Variants in CRPPA observed in about 807,000 individuals in gnomAD.
CRPPA encodes the protein CDP-L-ribitol pyrophosphorylase A.
Under a neutral mutation model 52.0 loss-of-function variants are expected in CRPPA, and 43 were observed. The observed-to-expected ratio is 0.83, with a 90% CI of 0.65 to 1.07. The LOEUF is 1.07. Among genes scored for constraint, CRPPA ranks in the 50% least tolerant of loss-of-function variants. CRPPA has a pLI of 0.00. For synonymous variants in CRPPA, 250 were observed against 203.5 expected, an observed-to-expected ratio of 1.23 and a Z score of -1.94; for missense variants, 629 against 551.7, an observed-to-expected ratio of 1.14 and a Z score of -1.40.
intron 5 of CRPPA, among the ~76,000 whole-genome samples, chr7:16,288,363 T>C (rs1784491634): frequency 6.6e-6 from 1 of 152,158 alleles, no homozygotes; most frequent in South Asian, 2.1e-4. Context: ...CTAAAATATT[T>C]ATTTTAAATC....
chr7:16,145,690 T>A (rs898165763), intron 9 of CRPPA, among the ~76,000 whole-genome samples: 10 of 144,262 alleles, frequency 6.9e-5, no homozygotes, highest in African/African-American at 2.5e-4. Context: ...ATCCCTGAAA[T>A]AAACAAACAG....
Position 16,278,147 on chromosome 7 carries a change from C to T in CRPPA, c.915G>A (p.Val305=), listed in dbSNP as rs1466053365. The change falls in exon 6 of 10, where the codon GTG becomes GTA. Residue 305 remains valine (V), a synonymous_variant. Transcript: ENST00000407010. ...TACTTACATTTAATTCACTTTTCAG[C>T]ACTTCTTCAAGAAGATGACCTACAT... is the stretch of plus-strand genomic sequence containing the variant. ...NKHVGHLLEE[V]LKSELNHVKV... is the part of the protein sequence containing the mutation. 6.4e-7 allele frequency: 1 copy of T among 1,552,678 alleles called. No individual in the cohort carries two copies. The highest frequency in any genetic ancestry group is 8.8e-7 in the Non-Finnish European group (1 of 1,132,174).
chr7:16,297,463 C>T (rs1784697472), intron 5 of CRPPA, among the ~76,000 whole-genome samples: 1 of 152,088 alleles, frequency 6.6e-6, no homozygotes, highest in East Asian at 1.9e-4. Flanking sequence ...GCCATAAATT[C>T]CCTTAGATTC....
At chr7:16,414,350 A>AACACACACACAC (rs3085030) in intron 1 of CRPPA, among the ~76,000 whole-genome samples, 82 of 138,656 alleles carry the variant, frequency 5.9e-4, no homozygotes, top group East Asian at 4.3e-4. Context: ...CCCCTACCCC[A>AACACACACACAC]ACACACACAC....
chr7:16,387,058 T>TACAC (rs1469876290), intron 2 of CRPPA, among the ~76,000 whole-genome samples: 1 of 72,650 alleles, frequency 1.4e-5, no homozygotes, highest in South Asian at 5.8e-4. Context: ...TATATATATA[T>TACAC]ATATATATAT....
chr7:16,175,722 T>C (rs1003137278), intron 9 of CRPPA, among the ~76,000 whole-genome samples: 2 of 152,190 alleles, frequency 1.3e-5, no homozygotes, highest in African/African-American at 2.4e-5. Context: ...TTAATAATTA[T>C]GCAAATTATG....
At chr7:16,379,116 A>G (rs1786999525) in intron 2 of CRPPA, among the ~76,000 whole-genome samples, 1 of 152,026 alleles carries the variant, frequency 6.6e-6, no homozygotes, top group Admixed American at 6.5e-5. Context: ...GTTTAATTAG[A>G]TCCCATTTGT....
chr7:16,306,129 C>A (rs1024334406), intron 4 of CRPPA, among the ~76,000 whole-genome samples: 3 of 152,176 alleles, frequency 2.0e-5, no homozygotes, highest in African/African-American at 7.2e-5. Context: ...AGATATTAGT[C>A]ATATTAGCTT....
chr7:16,374,574 T>C (rs994240080), intron 3 of CRPPA, among the ~76,000 whole-genome samples: 2 of 152,196 alleles, frequency 1.3e-5, no homozygotes, highest in Non-Finnish European at 2.9e-5. Context: ...TATTATGTAT[T>C]TTCTGCATGC....
chr7:16,301,848 A>C (rs924133412), intron 4 of CRPPA, among the ~76,000 whole-genome samples: 3 of 152,148 alleles, frequency 2.0e-5, no homozygotes, highest in Admixed American at 2.0e-4. Flanking sequence ...AAAGTCACTG[A>C]GTTACATTCT....
At chr7:16,295,670 G>T (rs1041862439) in intron 5 of CRPPA, among the ~76,000 whole-genome samples, 3 of 152,018 alleles carry the variant, frequency 2.0e-5, no homozygotes, top group Non-Finnish European at 2.9e-5. Context: ...TTCATGCCAG[G>T]ATATGGTCAG....
intron 6 of CRPPA, among the ~76,000 whole-genome samples, chr7:16,273,415 A>G (rs1254581516): frequency 2.6e-5 from 4 of 152,030 alleles, no homozygotes; most frequent in African/African-American, 9.7e-5. Context: ...CAGCTGTCAA[A>G]GAGAAGCAGT....
Position 16,091,602 on chromosome 7 carries a change from T to A in CRPPA, c.*93A>T. The A allele has an allele frequency of 1.5e-6, 1 of 672,730 alleles. No individual in the cohort carries two copies. Among genetic ancestry groups the A allele is most frequent in the Non-Finnish European group, 2.5e-6 (1 of 392,332 alleles). 41.7% of individuals were successfully genotyped at this position (672,730 alleles called of 1,614,324 possible). A position where few individuals can be genotyped will look rare whatever the true frequency, so the allele number is the denominator to read the frequency against. On this transcript the variant is annotated 3_prime_UTR_variant, in exon 10 of 10. Transcript: ENST00000407010. ...TTATAGAGAAGATATAAAAGACAAC[T>A]GAAACATTCTACCACACACAGCAGC...
chr7:16,321,754 T>C (rs1222287515), intron 3 of CRPPA, among the ~76,000 whole-genome samples: 12 of 152,148 alleles, frequency 7.9e-5, no homozygotes, highest in African/African-American at 1.2e-4. Context: ...AAAGTATTCA[T>C]AGGCAGTTAA....
chr7:16,389,928 A>AAAAAAAAAAAAAAAAATAT, intron 2 of CRPPA, among the ~76,000 whole-genome samples: 9 of 29,760 alleles, frequency 3.0e-4, no homozygotes, highest in Non-Finnish European at 4.3e-4. Context: ...AAAAAAAAAA[A>AAAAAAAAAAAAAAAAATAT]ATATATATAT....
intron 1 of CRPPA, among the ~76,000 whole-genome samples, chr7:16,418,345 G>A (rs1788244225): frequency 6.6e-6 from 1 of 152,190 alleles, no homozygotes; most frequent in African/African-American, 2.4e-5. Context: ...GCTGTTATCA[G>A]TTAAGTAAAA....
chr7:16,414,055 A>G (rs1194435401), intron 1 of CRPPA, among the ~76,000 whole-genome samples: 2 of 152,200 alleles, frequency 1.3e-5, no homozygotes, highest in African/African-American at 4.8e-5. Flanking sequence ...ATTTTCCTGT[A>G]GAAGATTTAT....
At chr7:16,310,619 G>A (rs1366357395) in intron 3 of CRPPA, among the ~76,000 whole-genome samples, 1 of 151,928 alleles carries the variant, frequency 6.6e-6, no homozygotes, top group Non-Finnish European at 1.5e-5. Context: ...GTGACTCATC[G>A]ACAAAGTCAA....
At chr7:16,293,597 C>T (rs1784607102) in intron 5 of CRPPA, among the ~76,000 whole-genome samples, 1 of 151,806 alleles carries the variant, frequency 6.6e-6, no homozygotes, top group Non-Finnish European at 1.5e-5. Context: ...GAAGGACAAC[C>T]AACAAGGCAT....
Sources: allele counts gnomAD v4.1 joint callset (sites outside exome capture counted in the v4.1 genomes callset), GRCh38; gene constraint gnomAD v4.1.1; transcripts MANE v1.5; gene names NCBI Gene and HGNC (gene_info 2026-07-23, HGNC 2026-07-21).